The following PRIM2 variants were observed in gnomAD, a reference collection of about 807,000 sequenced individuals.
PRIM2 encodes the protein DNA primase subunit 2, also known as DNA primase large subunit.
PRIM2 carries 39 observed loss-of-function variants against 67.3 expected under a neutral mutation model. The observed-to-expected ratio is 0.58, with a 90% CI of 0.45 to 0.76. The LOEUF (loss-of-function observed/expected upper bound fraction) is 0.76. PRIM2 is among the 30% of genes least tolerant of loss of function. PRIM2 has a pLI of 0.00. For missense variants in PRIM2, 398 were observed against 598.7 expected (o/e 0.66, Z 3.50); for synonymous variants, 143 against 198.7 (o/e 0.72, Z 2.36).
intron 7 of PRIM2, among the ~76,000 whole-genome samples, chr6:57,419,382 A>G (rs1257604081): frequency 6.6e-6 from 1 of 152,136 alleles, no homozygotes; most frequent in Non-Finnish European, 1.5e-5. Context: ...GGTGTATGTG[A>G]TACAGTGACA....
intron 5 of PRIM2, among the ~76,000 whole-genome samples, chr6:57,337,710 A>C (rs1389736885): frequency 6.6e-6 from 1 of 152,232 alleles, no homozygotes; most frequent in African/African-American, 2.4e-5. Context: ...CATTCAAAGC[A>C]GTGTGTAGAG....
At chr6:57,286,108 G>A in the PRIM2 span, among the ~76,000 whole-genome samples, 1 of 150,238 alleles carries the variant, frequency 6.7e-6, no homozygotes, top group East Asian at 1.9e-4. Flanking sequence ...AAATAAGACA[G>A]GACACGAACA....
At chr6:57,385,814 A>G (rs1770126148) in intron 7 of PRIM2, among the ~76,000 whole-genome samples, 1 of 152,214 alleles carries the variant, frequency 6.6e-6, no homozygotes, top group African/African-American at 2.4e-5. Context: ...CTGTAACAGA[A>G]GTTATGCTAT....
intron 8 of PRIM2, among the ~76,000 whole-genome samples, chr6:57,524,087 T>A (rs1272189329): frequency 3.3e-5 from 5 of 152,118 alleles, no homozygotes; most frequent in Non-Finnish European, 5.9e-5. Context: ...CTTGCTGTCT[T>A]GGTCATTCCC....
intron 7 of PRIM2, among the ~76,000 whole-genome samples, chr6:57,395,728 T>A (rs1412372580): frequency 1.3e-5 from 2 of 152,188 alleles, no homozygotes; most frequent in Non-Finnish European, 2.9e-5. Context: ...TGTTTTTGTT[T>A]CTCTAGTCCT....
intron 7 of PRIM2, among the ~76,000 whole-genome samples, chr6:57,480,264 TCTTC>T (rs1773582152): frequency 1.3e-5 from 2 of 152,242 alleles, no homozygotes; most frequent in African/African-American, 2.4e-5. Flanking sequence ...TAGTTTTTCT[TCTTC>T]CTTTTTATTA....
chr6:57,228,742 C>T, the PRIM2 span, among the ~76,000 whole-genome samples: 2 of 152,282 alleles, frequency 1.3e-5, no homozygotes, highest in East Asian at 1.9e-4. Flanking sequence ...ACTTACTAGC[C>T]GTGTTACCTT....
chr6:57,641,150 A>G (rs1159311892), intron 13 of PRIM2, among the ~76,000 whole-genome samples: 9 of 152,118 alleles, frequency 5.9e-5, no homozygotes, highest in African/African-American at 1.4e-4. Flanking sequence ...AAGATTCTCT[A>G]TTTAATAAAT....
upstream of PRIM2, among the ~76,000 whole-genome samples, chr6:57,317,465 T>C (rs1767513098): frequency 6.6e-6 from 1 of 152,144 alleles, no homozygotes; most frequent in South Asian, 2.1e-4. Flanking sequence ...CCCAAAACAC[T>C]GACATCCAAA....
chr6:57,578,676 G>GT (rs1171202485), intron 10 of PRIM2, among the ~76,000 whole-genome samples: 62 of 101,302 alleles, frequency 6.1e-4, no homozygotes, highest in Non-Finnish European at 7.7e-4. Flanking sequence ...TTTGTTTTTT[G>GT]TTTTTTTTTT....
At chr6:57,541,332 T>G (rs1385809007) in intron 10 of PRIM2, among the ~76,000 whole-genome samples, 84 of 152,238 alleles carry the variant, frequency 5.5e-4, no homozygotes, top group African/African-American at 2.0e-3. Context: ...CAGGTGATCT[T>G]CCTGCCTCAG....
chr6:57,432,970 T>C (rs1771884104), intron 7 of PRIM2, among the ~76,000 whole-genome samples: 1 of 152,240 alleles, frequency 6.6e-6, no homozygotes, highest in South Asian at 2.1e-4. Context: ...CTACCATTAG[T>C]ACTTGCAGGT....
intron 5 of PRIM2, among the ~76,000 whole-genome samples, chr6:57,365,378 G>T (rs1387752959): frequency 6.6e-6 from 1 of 150,634 alleles, no homozygotes; most frequent in African/African-American, 2.5e-5. Context: ...ACTGCTTGTT[G>T]GTCTAGCAAC....
chr6:57,617,573 T>G (rs1392320004), intron 12 of PRIM2, among the ~76,000 whole-genome samples: 8 of 152,244 alleles, frequency 5.3e-5, no homozygotes, highest in Non-Finnish European at 1.0e-4. Context: ...GAAATGTCTA[T>G]CCAATTCCTT....
At chr6:57,478,293 A>T (rs1773526613) in intron 7 of PRIM2, among the ~76,000 whole-genome samples, 1 of 151,316 alleles carries the variant, frequency 6.6e-6, no homozygotes, top group Non-Finnish European at 1.5e-5. Flanking sequence ...CTTAGACTAT[A>T]CATTTCATTT....
At chr6:57,434,974 T>C (rs1245169348) in intron 7 of PRIM2, 2 of 151,708 alleles carry the variant, frequency 1.3e-5, no homozygotes, top group Non-Finnish European at 2.9e-5. Context: ...TTTGTAGATA[T>C]GGAGTCTTGC....
chr6:57,604,317 G>A (rs1776523411), intron 11 of PRIM2, among the ~76,000 whole-genome samples: 1 of 152,132 alleles, frequency 6.6e-6, no homozygotes, highest in Admixed American at 6.5e-5. Context: ...TATTAATTTT[G>A]TATCCTGAAA....
chr6:57,242,447 A>G, the PRIM2 span, among the ~76,000 whole-genome samples: 1 of 152,320 alleles, frequency 6.6e-6, no homozygotes, highest in South Asian at 2.1e-4. Context: ...ATTTTTAAGA[A>G]CAATAATTTA....
At chr6:57,616,890 T>C (rs1444321659) in intron 12 of PRIM2, among the ~76,000 whole-genome samples, 1 of 152,262 alleles carries the variant, frequency 6.6e-6, no homozygotes, top group East Asian at 1.9e-4. Flanking sequence ...TAGCATCATA[T>C]ACTGTCTGGC....
Sources: gnomAD v4.1 joint callset for allele counts (sites outside exome capture counted in the v4.1 genomes callset) on GRCh38, gnomAD v4.1.1 for gene constraint, MANE v1.5 for transcripts, NCBI Gene and HGNC (gene_info 2026-07-23, HGNC 2026-07-21) for gene names.